Variants in LRMDA observed in about 807,000 individuals in gnomAD.
LRMDA encodes the protein leucine rich melanocyte differentiation associated, also known as leucine-rich melanocyte differentiation-associated protein.
In LRMDA, 18 loss-of-function variants were observed where a neutral mutation model predicts 29.8. The ratio of observed to expected loss-of-function variants is 0.60; its 90% CI spans 0.42 to 0.90. The LOEUF is 0.90. LRMDA is among the 40% of genes least tolerant of loss of function. The pLI is 0.00. For synonymous variants in LRMDA, 125 were observed against 109.4 expected (o/e 1.14, Z -0.89); for missense variants, 273 against 273.9 (o/e 1.00, Z 0.02).
At chr10:76,034,644 G>A (rs1201628411) in intron 2 of LRMDA, among the ~76,000 whole-genome samples, 1 of 152,236 alleles carries the variant, frequency 6.6e-6, no homozygotes, top group African/African-American at 2.4e-5. Context: ...CCACAAGGGA[G>A]CTATGGATGC....
chr10:76,091,209 C>T (rs1849225435), intron 5 of LRMDA, among the ~76,000 whole-genome samples: 2 of 152,080 alleles, frequency 1.3e-5, no homozygotes, highest in Non-Finnish European at 2.9e-5. Flanking sequence ...GCATCCCTCA[C>T]TTTGGTGTTT....
intron 5 of LRMDA, among the ~76,000 whole-genome samples, chr10:76,276,648 A>T (rs1003791585): frequency 3.3e-5 from 5 of 151,754 alleles, no homozygotes; most frequent in African/African-American, 1.2e-4. Flanking sequence ...TATGTGGATT[A>T]TTTTTTTTAC....
At chr10:76,071,973 C>T (rs1848882884) in intron 5 of LRMDA, among the ~76,000 whole-genome samples, 1 of 152,176 alleles carries the variant, frequency 6.6e-6, no homozygotes, top group Non-Finnish European at 1.5e-5. Flanking sequence ...TTTCTAAATT[C>T]ATAACCTTTT....
At chr10:76,412,692 A>C (rs976275926) in intron 6 of LRMDA, among the ~76,000 whole-genome samples, 1 of 152,082 alleles carries the variant, frequency 6.6e-6, no homozygotes, top group African/African-American at 2.4e-5. Context: ...AAGATGTTGA[A>C]CCTATACAAT....
At chr10:76,415,793 C>T (rs1321785454) in intron 6 of LRMDA, among the ~76,000 whole-genome samples, 1 of 152,338 alleles carries the variant, frequency 6.6e-6, no homozygotes, top group East Asian at 1.9e-4. Context: ...CATAGCTCAG[C>T]CTGCCACATG....
chr10:76,104,565 G>C (rs1187994980), intron 5 of LRMDA, among the ~76,000 whole-genome samples: 1 of 151,880 alleles, frequency 6.6e-6, no homozygotes, highest in African/African-American at 2.4e-5. Context: ...GCAGCTCTGG[G>C]TCTCACCGTG....
At chr10:76,223,916 A>G (rs1380723882) in intron 5 of LRMDA, among the ~76,000 whole-genome samples, 2 of 152,110 alleles carry the variant, frequency 1.3e-5, no homozygotes, top group Non-Finnish European at 2.9e-5. Context: ...TACTTGGTCT[A>G]TCCCTTGGCC....
chr10:76,013,676 G>A (rs922198481), intron 2 of LRMDA, among the ~76,000 whole-genome samples: 2 of 151,942 alleles, frequency 1.3e-5, no homozygotes, highest in Non-Finnish European at 2.9e-5. Context: ...AGAGGGAGGT[G>A]GGGGGGAAGG....
At chr10:76,160,826 G>A (rs987287511) in intron 5 of LRMDA, among the ~76,000 whole-genome samples, 1 of 152,054 alleles carries the variant, frequency 6.6e-6, no homozygotes, top group Non-Finnish European at 1.5e-5. Flanking sequence ...AGGAAGTTTC[G>A]TACAAAGAGT....
At chr10:76,018,378 A>G (rs1414823065) in intron 2 of LRMDA, among the ~76,000 whole-genome samples, 1 of 152,188 alleles carries the variant, frequency 6.6e-6, no homozygotes, top group Non-Finnish European at 1.5e-5. Flanking sequence ...GGGGAACAAC[A>G]TAGCCCCCAC....
rs564450150 is a variant in LRMDA, at chr10:76,290,853, G to C, written c.517-33548G>C. Among the ~76,000 whole-genome samples, 4 of 152,276 alleles carry C rather than the reference G, an allele frequency of 2.6e-5. No individual in the cohort carries two copies. The South Asian group carries it at 8.3e-4, about 32-fold the overall frequency. On this transcript the variant is annotated intron_variant, in intron 5 of 6. Coordinates refer to ENST00000611255, the MANE Select transcript of LRMDA (RefSeq NM_001305581.2). ...TATTTAGTATATAATGAAGAGATGA[G>C]AGACCAGTTGACTCTGAGAAGTAGT... is the stretch of plus-strand genomic sequence containing the variant.
At chr10:76,130,160 G>A (rs1209301567) in intron 5 of LRMDA, among the ~76,000 whole-genome samples, 2 of 149,444 alleles carry the variant, frequency 1.3e-5, no homozygotes, top group Non-Finnish European at 3.0e-5. Flanking sequence ...TGAATCAGTA[G>A]ATACAAAAGA....
rs1233341149 is a variant in LRMDA at position 75,970,495 on chromosome 10, C to T, written c.132-65513C>T. On this transcript the variant is annotated intron_variant, in intron 2 of 6. Coordinates refer to ENST00000611255, the MANE Select transcript of LRMDA (RefSeq NM_001305581.2). ...GCTGCTCAAACATTCTTGAAAGCCA[C>T]CTTCATTTTCTCTCCCATCTAGTTG... Among the ~76,000 whole-genome samples, 4 of 152,204 alleles carry T rather than the reference C, an allele frequency of 2.6e-5. No individual in the cohort carries two copies. In the East Asian group the frequency reaches 7.7e-4, roughly 29 times the overall value.
In LRMDA at chr10:76,497,088, G is replaced by A. The variant is rs1842883232; in HGVS notation, c.602-60121G>A. Among the ~76,000 whole-genome samples the A allele has an allele frequency of 2.7e-5, 2 of 75,362 alleles. 1 individual carries two copies. Among genetic ancestry groups the A allele is most frequent in the Admixed American group, 2.4e-4 (2 of 8,180 alleles). The allele number at this position is 75,362 out of a possible 152,430, so 49.4% of individuals were successfully genotyped here. A position where few individuals can be genotyped will look rare whatever the true frequency, so the allele number is the denominator to read the frequency against. On this transcript the variant is annotated intron_variant, in intron 6 of 6. Transcript: ENST00000611255. Reference sequence around the variant, plus strand: ...ATGATGATTCGAAGGAAAGTTAAAAGGTATTTAATAATGAGAATTGTATTA... The same window carrying A: ...ATGATGATTCGAAGGAAAGTTAAAAAGTATTTAATAATGAGAATTGTATTA...
chr10:76,177,835 T>C (rs1850969251), intron 5 of LRMDA, among the ~76,000 whole-genome samples: 1 of 152,224 alleles, frequency 6.6e-6, no homozygotes, highest in African/African-American at 2.4e-5. Flanking sequence ...AAGCTGTTTG[T>C]TGGAGATGAT....
At chr10:76,188,106 T>C (rs1361094179) in intron 5 of LRMDA, among the ~76,000 whole-genome samples, 1 of 152,184 alleles carries the variant, frequency 6.6e-6, no homozygotes, top group Non-Finnish European at 1.5e-5. Context: ...TCAAGCTATC[T>C]GCCAGTCTCC....
At chr10:76,165,576 A>G (rs1486918298) in intron 5 of LRMDA, among the ~76,000 whole-genome samples, 1 of 152,222 alleles carries the variant, frequency 6.6e-6, no homozygotes, top group Non-Finnish European at 1.5e-5. Flanking sequence ...CCAGCCAAGA[A>G]AAGAGGTTTA....
intron 2 of LRMDA, among the ~76,000 whole-genome samples, chr10:75,633,099 A>G (rs989603563): frequency 1.3e-4 from 20 of 152,208 alleles, no homozygotes; most frequent in Non-Finnish European, 2.8e-4. Context: ...GAGTATTTAC[A>G]TATAGTCTGG....
chr10:75,894,551 G>A (rs1845551526), intron 2 of LRMDA, among the ~76,000 whole-genome samples: 1 of 152,062 alleles, frequency 6.6e-6, no homozygotes, highest in Admixed American at 6.6e-5. Context: ...CCCAATAGTG[G>A]GAGAACCAAA....
Sources: allele counts gnomAD v4.1 joint callset (sites outside exome capture counted in the v4.1 genomes callset), GRCh38; gene constraint gnomAD v4.1.1; transcripts MANE v1.5; gene names NCBI Gene and HGNC (gene_info 2026-07-23, HGNC 2026-07-21).